Variants in CNTNAP2 observed in about 807,000 individuals in gnomAD.
The protein encoded by CNTNAP2 is contactin-associated protein-like 2.
Under a neutral mutation model 155.2 loss-of-function variants are expected in CNTNAP2, and 98 were observed. The ratio of observed to expected loss-of-function variants is 0.63; its 90% CI spans 0.54 to 0.75. The LOEUF is 0.75. CNTNAP2 is among the 30% of genes least tolerant of loss of function. CNTNAP2 has a pLI of 0.00. For synonymous variants in CNTNAP2, 651 were observed against 631.2 expected (o/e 1.03, Z -0.47); for missense variants, 1,727 against 1,688.1 (o/e 1.02, Z -0.40).
intron 17 of CNTNAP2, among the ~76,000 whole-genome samples, chr7:148,154,905 C>T (rs776436687): frequency 2.0e-5 from 3 of 151,864 alleles, no homozygotes; most frequent in Non-Finnish European, 2.9e-5. Context: ...CCACTACACT[C>T]CAGCCTGGGT....
chr7:148,168,925 A>G (rs1010119667), intron 17 of CNTNAP2, among the ~76,000 whole-genome samples: 12 of 152,206 alleles, frequency 7.9e-5, no homozygotes, highest in Non-Finnish European at 1.5e-4. Context: ...GTATTGTAGA[A>G]GGTCTTTATA....
chr7:147,141,947 T>G (rs1486235298), intron 8 of CNTNAP2, among the ~76,000 whole-genome samples: 1 of 152,206 alleles, frequency 6.6e-6, no homozygotes, highest in Non-Finnish European at 1.5e-5. Flanking sequence ...TTGCTGAAGT[T>G]GCCTATCAGC....
chr7:148,341,284 A>T (rs6979542), intron 21 of CNTNAP2, among the ~76,000 whole-genome samples: 25 of 93,368 alleles, frequency 2.7e-4, no homozygotes, highest in East Asian at 9.0e-4. Flanking sequence ...TTTTTTTTTT[A>T]ATTTTTTTTT....
chr7:148,104,147 T>C (rs1322002366), intron 15 of CNTNAP2, among the ~76,000 whole-genome samples: 1 of 152,238 alleles, frequency 6.6e-6, no homozygotes, highest in Non-Finnish European at 1.5e-5. Context: ...CTTGATGCTT[T>C]ACTGATCCTG....
At chr7:148,278,858 A>G (rs1032453611) in intron 21 of CNTNAP2, among the ~76,000 whole-genome samples, 4 of 152,248 alleles carry the variant, frequency 2.6e-5, no homozygotes, top group African/African-American at 9.6e-5. Flanking sequence ...GCAATATTTA[A>G]GCAGTGGCCT....
At chr7:146,970,924 A>T (rs1563026132) in intron 3 of CNTNAP2, among the ~76,000 whole-genome samples, 1 of 152,118 alleles carries the variant, frequency 6.6e-6, no homozygotes, top group Admixed American at 6.6e-5. Flanking sequence ...ACATGGATGA[A>T]ATTGGAAATC....
chr7:147,405,081 G>A (rs1345723888), intron 10 of CNTNAP2, among the ~76,000 whole-genome samples: 1 of 152,208 alleles, frequency 6.6e-6, no homozygotes. Flanking sequence ...GCATATAGCT[G>A]TGCTTTGACA....
At chr7:147,118,924 A>T (rs899826001) in intron 5 of CNTNAP2, among the ~76,000 whole-genome samples, 10 of 152,194 alleles carry the variant, frequency 6.6e-5, no homozygotes, top group Non-Finnish European at 1.3e-4. Context: ...ATTACATTTC[A>T]CTTGTTTCTT....
At chr7:146,325,985 C>T (rs1299167211) in intron 1 of CNTNAP2, among the ~76,000 whole-genome samples, 1 of 151,988 alleles carries the variant, frequency 6.6e-6, no homozygotes, top group East Asian at 1.9e-4. Flanking sequence ...TGTTAATTTC[C>T]CTGTTTATGT....
At chr7:146,266,891 T>A (rs1800002626) in intron 1 of CNTNAP2, among the ~76,000 whole-genome samples, 1 of 151,506 alleles carries the variant, frequency 6.6e-6, no homozygotes. Flanking sequence ...GCTGAATTTT[T>A]TTTTTTTTTT....
rs543411843 is a variant in CNTNAP2 at position 147,833,142 on chromosome 7, C to T, written c.2099-70423C>T. Among the ~76,000 whole-genome samples, 1,147 of 134,256 alleles carry T rather than the reference C, an allele frequency of 8.5e-3. 16 individuals are homozygous for T. Among genetic ancestry groups the T allele is most frequent in the African/African-American group, 0.029 (1,075 of 37,356 alleles). The allele number at this position is 134,256 out of a possible 152,430, so 88.1% of individuals were successfully genotyped here. A position where few individuals can be genotyped will look rare whatever the true frequency, so the allele number is the denominator to read the frequency against. On this transcript the variant is annotated intron_variant, in intron 13 of 23. Coordinates refer to ENST00000361727, the MANE Select transcript of CNTNAP2 (RefSeq NM_014141.6). Reference sequence around the variant, plus strand: ...TTTTTCTTAGGTTTTTTTTTTTTTTCATGAAACAATGATAACTGCTAGCAT... The same window carrying T: ...TTTTTCTTAGGTTTTTTTTTTTTTTTATGAAACAATGATAACTGCTAGCAT...
chr7:147,642,467 C>G (rs1458269678), intron 13 of CNTNAP2, among the ~76,000 whole-genome samples: 3 of 151,788 alleles, frequency 2.0e-5, no homozygotes, highest in South Asian at 4.2e-4. Flanking sequence ...TCTTTCTTTC[C>G]CCCTCATTGA....
intron 3 of CNTNAP2, among the ~76,000 whole-genome samples, chr7:146,925,080 A>G (rs909063618): frequency 3.3e-5 from 5 of 152,166 alleles, no homozygotes; most frequent in African/African-American, 9.6e-5. Flanking sequence ...GTAGAAGTAC[A>G]TAGTGCTGAC....
chr7:148,274,298 T>C (rs933532350), intron 21 of CNTNAP2, among the ~76,000 whole-genome samples: 1 of 151,992 alleles, frequency 6.6e-6, no homozygotes, highest in Non-Finnish European at 1.5e-5. Flanking sequence ...GGCTGTTTGT[T>C]ACTGTGGCAG....
intron 13 of CNTNAP2, among the ~76,000 whole-genome samples, chr7:147,650,680 A>C (rs1166364334): frequency 6.6e-6 from 1 of 152,126 alleles, no homozygotes; most frequent in Non-Finnish European, 1.5e-5. Context: ...TGTTATCTGT[A>C]AGGTTTCTAG....
chr7:147,331,868 C>T (rs1363635331), intron 9 of CNTNAP2, among the ~76,000 whole-genome samples: 1 of 152,172 alleles, frequency 6.6e-6, no homozygotes, highest in Non-Finnish European at 1.5e-5. Context: ...CACCAGTATC[C>T]TCACTCAGGA....
chr7:147,606,532 A>G (rs1801066751), intron 12 of CNTNAP2, among the ~76,000 whole-genome samples: 1 of 152,212 alleles, frequency 6.6e-6, no homozygotes. Context: ...GCACCTTTAC[A>G]TCTTTTATTC....
chr7:148,383,956 A>G (rs981180798), intron 22 of CNTNAP2, 68 bp downstream of exon 22: 134 of 1,549,094 alleles, frequency 8.7e-5, no homozygotes, highest in Non-Finnish European at 1.1e-4. Context: ...GGGACTATGG[A>G]ATGGATTTAA....
intron 1 of CNTNAP2, among the ~76,000 whole-genome samples, chr7:146,157,197 T>G (rs912524136): frequency 2.6e-5 from 4 of 152,166 alleles, no homozygotes; most frequent in Admixed American, 2.6e-4. Flanking sequence ...ATCTTAGGTC[T>G]TTATTATTCT....
Sources: gnomAD v4.1 joint callset for allele counts (sites outside exome capture counted in the v4.1 genomes callset) on GRCh38, gnomAD v4.1.1 for gene constraint, MANE v1.5 for transcripts, NCBI Gene and HGNC (gene_info 2026-07-23, HGNC 2026-07-21) for gene names.